The following CIMIP6 variants were observed in gnomAD, a reference collection of about 807,000 sequenced individuals.
CIMIP6 encodes uncharacterized protein C2orf73.
At chr2:54,360,622 T>C in the CIMIP6 span, 1 of 1,411,352 alleles carries the variant, frequency 7.1e-7, no homozygotes, top group East Asian at 2.5e-5. Flanking sequence ...ACAATCATCA[T>C]CTTGGCCCTC....
chr2:54,360,321 C>T, the CIMIP6 span: 2 of 1,611,446 alleles, frequency 1.2e-6, no homozygotes, highest in Non-Finnish European at 1.7e-6. Flanking sequence ...TCCAAAAAAA[C>T]AGAGAAAGGA....
the CIMIP6 span, chr2:54,361,480 G>T: frequency 6.6e-6 from 1 of 152,146 alleles, no homozygotes; most frequent in African/African-American, 2.4e-5. Flanking sequence ...AATTTCCATT[G>T]GGAAATATCA....
chr2:54,374,248 T>C, the CIMIP6 span, among the ~76,000 whole-genome samples: 3 of 152,244 alleles, frequency 2.0e-5, no homozygotes, highest in African/African-American at 7.2e-5. Flanking sequence ...ACAGATGGAA[T>C]CCTAACATGC....
At chr2:54,350,046 G>C in the CIMIP6 span, among the ~76,000 whole-genome samples, 1 of 152,022 alleles carries the variant, frequency 6.6e-6, no homozygotes, top group African/African-American at 2.4e-5. Context: ...AGTAGAGACA[G>C]GGTTTCACCA....
chr2:54,345,205 G>T, the CIMIP6 span, among the ~76,000 whole-genome samples: 1 of 152,050 alleles, frequency 6.6e-6, no homozygotes, highest in Non-Finnish European at 1.5e-5. Context: ...ACATAGCAGG[G>T]GAGCCTTCAT....
the CIMIP6 span, among the ~76,000 whole-genome samples, chr2:54,356,548 C>T: frequency 6.6e-6 from 1 of 152,048 alleles, no homozygotes; most frequent in Admixed American, 6.6e-5. Flanking sequence ...TTTTTGGTAG[C>T]TCCGGTTCCT....
chr2:54,342,849 CTAGGTGTCATAGGGTTTCTCA>C, the CIMIP6 span, among the ~76,000 whole-genome samples: 33 of 152,118 alleles, frequency 2.2e-4, no homozygotes, highest in African/African-American at 7.2e-4. Flanking sequence ...CCAGGAACTC[CTAGGTGTCATAGGGTTTCTCA>C]AGCATTTTCT....
At chr2:54,357,573 C>A in the CIMIP6 span, among the ~76,000 whole-genome samples, 1 of 115,726 alleles carries the variant, frequency 8.6e-6, no homozygotes, top group Non-Finnish European at 1.7e-5. Flanking sequence ...TAAACTCTTA[C>A]GTACTTTTTT....
chr2:54,361,306 C>A, the CIMIP6 span: 3 of 152,138 alleles, frequency 2.0e-5, no homozygotes, highest in African/African-American at 7.2e-5. Flanking sequence ...CAGATCATTT[C>A]TAGCACCAAC....
At chr2:54,339,459 C>T in the CIMIP6 span, among the ~76,000 whole-genome samples, 1 of 74,914 alleles carries the variant, frequency 1.3e-5, no homozygotes, top group Non-Finnish European at 3.5e-5. Context: ...CTTTGTATAA[C>T]ACCTATTAAT....
the CIMIP6 span, among the ~76,000 whole-genome samples, chr2:54,334,463 A>G: frequency 0.18 from 27,667 of 152,188 alleles, 2,793 homozygotes; most frequent in Non-Finnish European, 0.22. Flanking sequence ...ACTTTTAAAG[A>G]AGTTGAGTTA....
chr2:54,343,447 G>T, the CIMIP6 span, among the ~76,000 whole-genome samples: 1 of 152,078 alleles, frequency 6.6e-6, no homozygotes, highest in African/African-American at 2.4e-5. Context: ...CAGCTATTTT[G>T]CTGATTTTTA....
chr2:54,379,085 A>G, the CIMIP6 span, among the ~76,000 whole-genome samples: 1 of 152,238 alleles, frequency 6.6e-6, no homozygotes, highest in Non-Finnish European at 1.5e-5. Flanking sequence ...CAATAAATGA[A>G]TGATATTAGA....
the CIMIP6 span, chr2:54,359,173 C>A: frequency 1.4e-6 from 1 of 709,628 alleles, no homozygotes; most frequent in Non-Finnish European, 2.4e-6. Context: ...TCTATTTAAA[C>A]AAACTACTTC....
chr2:54,342,264 A>T, the CIMIP6 span, among the ~76,000 whole-genome samples: 2 of 152,152 alleles, frequency 1.3e-5, no homozygotes, highest in African/African-American at 4.8e-5. Context: ...ATTTTCCTTA[A>T]CAACCTCAAG....
the CIMIP6 span, among the ~76,000 whole-genome samples, chr2:54,357,557 T>G: frequency 6.7e-6 from 1 of 149,900 alleles, no homozygotes; most frequent in Non-Finnish European, 1.5e-5. Context: ...ATATGTTCGT[T>G]GTACATAAAC....
the CIMIP6 span, among the ~76,000 whole-genome samples, chr2:54,382,385 G>A: frequency 6.4e-3 from 981 of 152,242 alleles, 6 homozygotes; most frequent in African/African-American, 0.023. Context: ...AAACAATGAA[G>A]AATTAATTAT....
the CIMIP6 span, among the ~76,000 whole-genome samples, chr2:54,371,808 C>T: frequency 2.0e-5 from 3 of 152,156 alleles, no homozygotes; most frequent in East Asian, 1.9e-4. Flanking sequence ...GGAGCAGCTG[C>T]GCAGCTGTGG....
chr2:54,371,925 G>T, the CIMIP6 span, among the ~76,000 whole-genome samples: 11 of 152,156 alleles, frequency 7.2e-5, no homozygotes, highest in African/African-American at 2.7e-4. Flanking sequence ...CCGGGTCTGG[G>T]TCCTTTATCT....
Sources: gnomAD v4.1 joint callset for allele counts (sites outside exome capture counted in the v4.1 genomes callset) on GRCh38, gnomAD v4.1.1 for gene constraint, MANE v1.5 for transcripts, NCBI Gene and HGNC (gene_info 2026-07-23, HGNC 2026-07-21) for gene names.